Variants in NUP93 observed in about 807,000 individuals in gnomAD.
The protein encoded by NUP93 is nucleoporin 93.
A neutral mutation model predicts 107.8 loss-of-function variants in NUP93; 55 were observed. The ratio of observed to expected loss-of-function variants is 0.51; its 90% CI spans 0.41 to 0.64. The LOEUF (loss-of-function observed/expected upper bound fraction) is 0.64, where lower values mean the gene tolerates loss of function less well. NUP93 is among the 30% of genes least tolerant of loss of function. The pLI is 0.00. For synonymous variants in NUP93, 390 were observed against 397.5 expected, an observed-to-expected ratio of 0.98 and a Z score of 0.22; for missense variants, 937 against 1,044.7, an observed-to-expected ratio of 0.90 and a Z score of 1.42.
In NUP93 at chr16:56,847,835, A is replaced by G. The variant is rs1271070812; in HGVS notation, c.*3226A>G. On this transcript the variant is annotated 3_prime_UTR_variant, in exon 22 of 22. Transcript: ENST00000308159. ...CCTGTCCTCCGCGAACTTACAGTCT[A>G]ATTAGAGCCTCTTAAGGACAATTTG... The G allele has an allele frequency of 1.3e-5, 2 of 152,186 alleles. No homozygotes were observed. The highest frequency in any genetic ancestry group is 2.9e-5 in the Non-Finnish European group (2 of 68,038). The allele number at this position is 152,186 out of a possible 1,614,324, so 9.4% of individuals were successfully genotyped here.
At chr16:56,838,399 A>T (rs1210690193) in intron 18 of NUP93, among the ~76,000 whole-genome samples, 1 of 152,228 alleles carries the variant, frequency 6.6e-6, no homozygotes, top group Admixed American at 6.5e-5. Flanking sequence ...GGATGCTGAG[A>T]TGATGATCAA....
In NUP93 at chr16:56,838,971, A is replaced by G; in HGVS notation, c.2038A>G (p.Ser680Gly). The G allele has an allele frequency of 1.2e-6, 2 of 1,614,048 alleles. No homozygotes were observed. Among genetic ancestry groups the G allele is most frequent in the Non-Finnish European group, 1.7e-6 (2 of 1,179,932 alleles). The change falls in exon 19 of 22, where the codon AGC becomes GGC. Residue 680 changes from serine to glycine, a missense_variant. Ser to Gly is a moderately conservative substitution (Grantham distance 56). Coordinates refer to ENST00000308159, the MANE Select transcript of NUP93 (RefSeq NM_014669.5). ...TTTCAGGTATAGGGCTCAAGGAATA[A>G]GCGCAAATAAATTTGTGGACTCCAC... is the stretch of plus-strand genomic sequence containing the variant. ...IAERYRAQGI[S>G]ANKFVDSTFY...
At chr16:56,795,202 A>G (rs1356905318) in intron 3 of NUP93, among the ~76,000 whole-genome samples, 9 of 152,142 alleles carry the variant, frequency 5.9e-5, no homozygotes, top group Non-Finnish European at 1.3e-4. Context: ...AGCAGAATCC[A>G]TGCCTACTCA....
At chr16:56,838,126 T>C (rs1963950913) in intron 18 of NUP93, among the ~76,000 whole-genome samples, 2 of 152,214 alleles carry the variant, frequency 1.3e-5, no homozygotes, top group South Asian at 4.1e-4. Context: ...TGTTTCAGAC[T>C]ACCTGGATCC....
chr16:56,780,278 A>G (rs971484585), intron 3 of NUP93, among the ~76,000 whole-genome samples: 3 of 152,184 alleles, frequency 2.0e-5, no homozygotes, highest in African/African-American at 7.2e-5. Context: ...AGTTAATTTT[A>G]AGTTAGGGTA....
At chr16:56,783,460 C>G (rs1962557091) in intron 3 of NUP93, 1 of 985,106 alleles carries the variant, frequency 1.0e-6, no homozygotes, top group East Asian at 1.1e-4. Context: ...TGCAGCATTG[C>G]AAAGAATCGA....
chr16:56,831,900 A>G lies in NUP93; in HGVS notation c.1144A>G (p.Asn382Asp). The change falls in exon 11 of 22, where the codon AAT becomes GAT. Residue 382 changes from asparagine (N) to aspartate (D), a missense_variant. By Grantham distance (23) the Asn-to-Asp change is conservative. Coordinates refer to ENST00000308159, the MANE Select transcript of NUP93 (RefSeq NM_014669.5). ...RLHYRRALRN[N>D]TDPYKRAVYC... is the part of the protein sequence containing the mutation. Reference sequence around the variant, plus strand: ...GCATTACCGTAGGGCCCTCAGGAACAATACAGATCCCTACAAGCGGGCCGT... The same window carrying G: ...GCATTACCGTAGGGCCCTCAGGAACGATACAGATCCCTACAAGCGGGCCGT... The G allele has an allele frequency of 6.2e-7, 1 of 1,614,170 alleles. No homozygotes were observed. Among genetic ancestry groups the G allele is most frequent in the Non-Finnish European group, 8.5e-7 (1 of 1,180,030 alleles).
rs374313794 is a variant in NUP93 at position 56,841,764 on chromosome 16, T to C, written c.2280T>C (p.Phe760=). The change falls in exon 21 of 22, where the codon TTT becomes TTC. Residue 760 remains phenylalanine (F), a synonymous_variant. Coordinates refer to ENST00000308159, the MANE Select transcript of NUP93 (RefSeq NM_014669.5). ...LATMNILFTQ[F]KRLKGTSPSS... ...CCATGAACATCTTGTTCACACAGTTTAAGAGGCTCAAGGGGACAAGTCCAT... is the reference window on the plus strand; with the variant it reads ...CCATGAACATCTTGTTCACACAGTTCAAGAGGCTCAAGGGGACAAGTCCAT... 359 of 1,614,054 alleles carry C rather than the reference T, an allele frequency of 2.2e-4. 1 individual carries two copies. The highest frequency in any genetic ancestry group is 2.8e-4 in the Non-Finnish European group (329 of 1,180,024).
intron 12 of NUP93, among the ~76,000 whole-genome samples, chr16:56,832,739 T>G (rs1438888766): frequency 1.3e-5 from 2 of 149,946 alleles, no homozygotes; most frequent in African/African-American, 5.1e-5. Flanking sequence ...AGAAACAGCC[T>G]TTCTTCTTTT....
intron 4 of NUP93, among the ~76,000 whole-genome samples, 165 bp downstream of exon 4, chr16:56,798,703 AC>A (rs1455125256): frequency 6.6e-6 from 1 of 152,060 alleles, no homozygotes; most frequent in Non-Finnish European, 1.5e-5. Context: ...CCCCATCTTT[AC>A]AAAAAATGCA....
intron 1 of NUP93, among the ~76,000 whole-genome samples, chr16:56,739,548 G>A (rs1349162119): frequency 2.9e-5 from 3 of 102,810 alleles, no homozygotes; most frequent in Admixed American, 9.0e-5. Context: ...CCTCCCTCCC[G>A]GACGGGGCGG....
At chr16:56,759,720 C>T (rs925989175) in intron 3 of NUP93, among the ~76,000 whole-genome samples, 1 of 151,946 alleles carries the variant, frequency 6.6e-6, no homozygotes. Flanking sequence ...CCCCCTCCCC[C>T]GTACAACTGC....
intron 1 of NUP93, among the ~76,000 whole-genome samples, chr16:56,747,034 A>G (rs1396376545): frequency 6.7e-6 from 1 of 148,872 alleles, no homozygotes; most frequent in African/African-American, 2.5e-5. Context: ...GTCTCACTCT[A>G]TTGCCCAGGC....
chr16:56,789,694 G>A (rs1158062352), intron 3 of NUP93, among the ~76,000 whole-genome samples: 3 of 152,250 alleles, frequency 2.0e-5, no homozygotes, highest in Non-Finnish European at 4.4e-5. Context: ...ACATATTACA[G>A]TTGGCGAATA....
chr16:56,808,292 G>A (rs150118570), intron 5 of NUP93, among the ~76,000 whole-genome samples: 333 of 2,720 alleles, frequency 0.12, 29 homozygotes, highest in South Asian at 0.29. Flanking sequence ...ATATAGTTAT[G>A]TAACTATATA....
chr16:56,794,844 C>G (rs1962855731), intron 3 of NUP93, among the ~76,000 whole-genome samples: 1 of 142,578 alleles, frequency 7.0e-6, no homozygotes. Context: ...AGGAGAATGG[C>G]TTGAACCCGG....
intron 1 of NUP93, among the ~76,000 whole-genome samples, chr16:56,735,652 G>A (rs754494198): frequency 2.0e-5 from 3 of 151,688 alleles, no homozygotes; most frequent in Non-Finnish European, 4.4e-5. Context: ...CGAGACCAGC[G>A]TGGCAAACAT....
intron 20 of NUP93, 71 bp downstream of exon 20, chr16:56,839,675 T>C (rs765166215): frequency 9.3e-6 from 11 of 1,184,204 alleles, no homozygotes; most frequent in African/African-American, 6.0e-5. Context: ...TCTTTTCCTG[T>C]ACCTAACAGC....
chr16:56,730,783 C>T (rs751847127), intron 1 of NUP93, among the ~76,000 whole-genome samples: 27 of 152,352 alleles, frequency 1.8e-4, no homozygotes, highest in South Asian at 2.1e-4. Context: ...CCGTTCCCTG[C>T]AGAGGCGATG....
Sources: gnomAD v4.1 joint callset for allele counts (sites outside exome capture counted in the v4.1 genomes callset) on GRCh38, gnomAD v4.1.1 for gene constraint, MANE v1.5 for transcripts, NCBI Gene and HGNC (gene_info 2026-07-23, HGNC 2026-07-21) for gene names.